The following S100PBP variants were observed in gnomAD, a reference collection of about 807,000 sequenced individuals.
The protein encoded by S100PBP is S100P-binding protein.
In S100PBP, 15 loss-of-function variants were observed where a neutral mutation model predicts 39.9. The ratio of observed to expected loss-of-function variants is 0.38; its 90% CI spans 0.25 to 0.58. The LOEUF is 0.58. S100PBP is among the 20% of genes least tolerant of loss of function. S100PBP has a pLI of 0.70. For synonymous variants in S100PBP, 178 were observed against 180.3 expected (o/e 0.99, Z 0.10); for missense variants, 504 against 487.3 (o/e 1.03, Z -0.32).
chr1:32,826,935 GTATAT>G lies in S100PBP; in HGVS notation c.831+7_831+11del, dbSNP rs750023690. On this transcript the variant is annotated splice_donor_region_variant and intron_variant, in intron 3 of 6. Transcript: ENST00000373475. ...GTTTCCACCTCATCAAACAAAGTAAGTATATTTTATTCAAGGTGAAGAGAAAAATG... is the reference window on the plus strand; with the variant it reads ...GTTTCCACCTCATCAAACAAAGTAAGTTTATTCAAGGTGAAGAGAAAAATG... The G allele has an allele frequency of 1.9e-5, 29 of 1,540,466 alleles. No homozygotes were observed. Among genetic ancestry groups the G allele is most frequent in the Non-Finnish European group, 2.5e-5 (28 of 1,139,420 alleles).
At chr1:32,817,081 C>G, upstream of S100PBP, 1 of 1,414,170 alleles carries the variant, frequency 7.1e-7, no homozygotes, top group Non-Finnish European at 1.0e-6. Flanking sequence ...GCTGCGCCAG[C>G]GCCGAGTCCC....
rs772186561 is a variant in S100PBP at position 32,855,957 on chromosome 1, A to G, written c.1146A>G (p.Arg382=). 12 of 1,613,640 alleles carry G rather than the reference A, an allele frequency of 7.4e-6. No individual in the cohort carries two copies. Among genetic ancestry groups the G allele is most frequent in the Middle Eastern group, 1.6e-4 (1 of 6,084 alleles). ...CCCGCCGACAGAAACATCTGCAAAG[A>G]TACAGTCTGACTCAGTGGGTTGACA... The part of the protein sequence containing the change: ...NYARRQKHLQ[R]YSLTQWVDRN... Residue 382 remains arginine (R), a synonymous_variant, in exon 7 of 7, where the codon AGA becomes AGG. Transcript: ENST00000373475.
chr1:32,834,790 A>G (rs1356850124), intron 5 of S100PBP: 1 of 152,204 alleles, frequency 6.6e-6, no homozygotes, highest in Non-Finnish European at 1.5e-5. Context: ...TAATTGCTTG[A>G]GCATTTATTG....
chr1:32,857,802 G>A lies in S100PBP; in HGVS notation c.*1764G>A, dbSNP rs1485955945. The A allele has an allele frequency of 6.6e-6, 1 of 152,134 alleles. No individual in the cohort carries two copies. The highest frequency in any genetic ancestry group is 1.9e-4 in the East Asian group (1 of 5,200). 9.4% of individuals were successfully genotyped at this position (152,134 alleles called of 1,614,324 possible). A position where few individuals can be genotyped will look rare whatever the true frequency, so the allele number is the denominator to read the frequency against. On this transcript the variant is annotated 3_prime_UTR_variant, in exon 7 of 7. Coordinates refer to ENST00000373475, the MANE Select transcript of S100PBP (RefSeq NM_022753.4). ...AAACATCCTACCCCACTTTAGAAAC[G>A]GACGTGGGGAACGCTTGGTCATTTA...
chr1:32,821,640 CT>C (rs113824192), intron 1 of S100PBP, among the ~76,000 whole-genome samples: 395 of 132,496 alleles, frequency 3.0e-3, no homozygotes, highest in Non-Finnish European at 3.2e-3. Context: ...TTCTTTCTTT[CT>C]TTTTTTTTTT....
Position 32,817,680 on chromosome 1 carries a change from G to T in S100PBP, c.-129G>T. On this transcript the variant is annotated 5_prime_UTR_variant, in exon 1 of 7. Transcript: ENST00000373475. The stretch of plus-strand genomic sequence containing the variant: ...AGTCGTTCGCCCAGGCTTTGGCCCG[G>T]CTTCCGGAGGTGAAGAGCGGGAGGG... 1 of 230,528 alleles carries T rather than the reference G, an allele frequency of 4.3e-6. No homozygotes were observed. The highest frequency in any genetic ancestry group is 1.0e-4 in the East Asian group (1 of 9,644). 14.3% of individuals were successfully genotyped at this position (230,528 alleles called of 1,614,324 possible). A position where few individuals can be genotyped will look rare whatever the true frequency, so the allele number is the denominator to read the frequency against.
At chr1:32,849,635 T>C (rs561752618) in intron 5 of S100PBP, among the ~76,000 whole-genome samples, 16 of 152,230 alleles carry the variant, frequency 1.1e-4, no homozygotes, top group African/African-American at 3.9e-4. Flanking sequence ...TTATTAGTGC[T>C]AAGGAAAATT....
At chr1:32,848,163 C>T (rs553429474) in intron 5 of S100PBP, among the ~76,000 whole-genome samples, 46 of 152,084 alleles carry the variant, frequency 3.0e-4, no homozygotes, top group African/African-American at 9.9e-4. Context: ...AAAAATTAGC[C>T]GAGTATGGTG....
chr1:32,817,597 G>C (rs1001184188), upstream of S100PBP: 10 of 423,490 alleles, frequency 2.4e-5, no homozygotes, highest in South Asian at 6.2e-5. Context: ...CGGCTGACTC[G>C]GGGTAGGGGA....
intron 5 of S100PBP, among the ~76,000 whole-genome samples, chr1:32,840,155 T>G (rs1640020023): frequency 6.6e-6 from 1 of 152,112 alleles, no homozygotes; most frequent in Non-Finnish European, 1.5e-5. Context: ...CCGGCTAATT[T>G]TTGTATTTTT....
chr1:32,845,688 T>C (rs1569930093), intron 5 of S100PBP, among the ~76,000 whole-genome samples: 1 of 151,880 alleles, frequency 6.6e-6, no homozygotes. Context: ...ATTTTCTTTT[T>C]TTTTTTTTTT....
At chr1:32,854,595 C>T (rs1339908068) in intron 6 of S100PBP, among the ~76,000 whole-genome samples, 1 of 152,192 alleles carries the variant, frequency 6.6e-6, no homozygotes, top group Non-Finnish European at 1.5e-5. Context: ...TAAATGGCCT[C>T]CCTGCTTCTG....
intron 5 of S100PBP, among the ~76,000 whole-genome samples, chr1:32,848,796 G>T (rs191731701): frequency 5.3e-4 from 80 of 152,336 alleles, no homozygotes; most frequent in African/African-American, 1.8e-3. Flanking sequence ...CATATTTATA[G>T]ATTAAGATTT....
intron 5 of S100PBP, among the ~76,000 whole-genome samples, chr1:32,839,980 T>TCTTTG (rs1557501765): frequency 6.6e-6 from 1 of 151,426 alleles, no homozygotes; most frequent in African/African-American, 2.4e-5. Context: ...CCTGACTAAT[T>TCTTTG]TTTTGTTTTG....
At chr1:32,834,222 A>G (rs1639722870) in intron 5 of S100PBP, among the ~76,000 whole-genome samples, 1 of 152,256 alleles carries the variant, frequency 6.6e-6, no homozygotes, top group East Asian at 1.9e-4. Context: ...TTGATAATTT[A>G]TATTTAATCA....
chr1:32,857,042 TGTTA>T lies in S100PBP; in HGVS notation c.*1010_*1013del, dbSNP rs745502853. ...TCATTTGCTGAACCCCAAATTTGAGTGTTAGTTAGGGAGCCTCCATTCTGTGGGA... is the reference window on the plus strand; with the variant it reads ...TCATTTGCTGAACCCCAAATTTGAGTGTTAGGGAGCCTCCATTCTGTGGGA... On this transcript the variant is annotated 3_prime_UTR_variant, in exon 7 of 7. Transcript: ENST00000373475. 7.9e-5 allele frequency: 12 copies of T among 152,184 alleles called. No homozygotes were observed. The highest frequency in any genetic ancestry group is 4.2e-4 in the South Asian group (2 of 4,812). The allele number at this position is 152,184 out of a possible 1,614,324, so 9.4% of individuals were successfully genotyped here. A position where few individuals can be genotyped will look rare whatever the true frequency, so the allele number is the denominator to read the frequency against.
chr1:32,837,157 C>CAAAAAAA (rs530366757), intron 5 of S100PBP: 6 of 37,344 alleles, frequency 1.6e-4, no homozygotes, highest in Non-Finnish European at 2.1e-4. Flanking sequence ...GACTCCATCT[C>CAAAAAAA]AAAAAAAAAA....
intron 5 of S100PBP, among the ~76,000 whole-genome samples, chr1:32,842,045 C>T (rs12406109): frequency 4.6e-5 from 7 of 150,878 alleles, no homozygotes; most frequent in Admixed American, 1.3e-4. Flanking sequence ...AAAGGTTAGC[C>T]GGGCATGGTG....
intron 5 of S100PBP, among the ~76,000 whole-genome samples, chr1:32,833,779 TTA>T (rs1639703460): frequency 6.6e-6 from 1 of 152,242 alleles, no homozygotes; most frequent in African/African-American, 2.4e-5. Flanking sequence ...ATTTTGATAA[TTA>T]TCTTTCCTGT....
Sources: gnomAD v4.1 joint callset for allele counts (sites outside exome capture counted in the v4.1 genomes callset) on GRCh38, gnomAD v4.1.1 for gene constraint, MANE v1.5 for transcripts, NCBI Gene and HGNC (gene_info 2026-07-23, HGNC 2026-07-21) for gene names.